The following CNTNAP2 variants were observed in gnomAD, a reference collection of about 807,000 sequenced individuals.
The protein encoded by CNTNAP2 is contactin associated protein 2, also known as contactin-associated protein-like 2.
A neutral mutation model predicts 155.2 loss-of-function variants in CNTNAP2; 98 were observed. That is an observed-to-expected ratio of 0.63 (90% CI 0.54 to 0.75). CNTNAP2 has a LOEUF of 0.75. CNTNAP2 is among the 30% of genes least tolerant of loss of function. The pLI is 0.00. For missense variants in CNTNAP2, 1,727 were observed against 1,688.1 expected, an observed-to-expected ratio of 1.02 and a Z score of -0.40; for synonymous variants, 651 against 631.2, an observed-to-expected ratio of 1.03 and a Z score of -0.47.
At chr7:148,056,639 A>G (rs1298127090) in intron 15 of CNTNAP2, 1 of 152,204 alleles carries the variant, frequency 6.6e-6, no homozygotes, top group East Asian at 1.9e-4. Flanking sequence ...TGAGATGAAG[A>G]CAGGATCTGT....
intron 1 of CNTNAP2, among the ~76,000 whole-genome samples, chr7:146,597,819 C>G (rs1798886117): frequency 6.6e-6 from 1 of 151,958 alleles, no homozygotes; most frequent in African/African-American, 2.4e-5. Flanking sequence ...AACATGACAG[C>G]ATTAATTAAA....
At chr7:146,625,117 G>C (rs1799397377) in intron 1 of CNTNAP2, among the ~76,000 whole-genome samples, 1 of 151,842 alleles carries the variant, frequency 6.6e-6, no homozygotes, top group Non-Finnish European at 1.5e-5. Flanking sequence ...TTAATTATAA[G>C]GCTGCTTTAA....
intron 14 of CNTNAP2, among the ~76,000 whole-genome samples, chr7:147,969,221 T>C (rs999508920): frequency 1.3e-5 from 2 of 152,084 alleles, no homozygotes; most frequent in Non-Finnish European, 2.9e-5. Context: ...AGCTAATTTT[T>C]AGTATTTTTG....
intron 1 of CNTNAP2, among the ~76,000 whole-genome samples, chr7:146,310,612 C>G (rs190941638): frequency 6.6e-6 from 1 of 151,842 alleles, no homozygotes; most frequent in Non-Finnish European, 1.5e-5. Context: ...TGATATAACA[C>G]TAAGATTAAT....
rs1797729423 is a variant in CNTNAP2 at position 146,132,467 on chromosome 7, A to C, written c.97+15494A>C. Among the ~76,000 whole-genome samples, 4 of 151,892 alleles carry C rather than the reference A, an allele frequency of 2.6e-5. No homozygotes were observed. The South Asian group carries it at 8.3e-4, about 32-fold the overall frequency. On this transcript the variant is annotated intron_variant, in intron 1 of 23. Transcript: ENST00000361727. Reference sequence around the variant, plus strand: ...TTTAGGGTACATGTGCACATTGTGCAGGTTAGTTACATATGTATACATGTG... The same window carrying C: ...TTTAGGGTACATGTGCACATTGTGCCGGTTAGTTACATATGTATACATGTG...
At chr7:146,720,148 T>C (rs1801260273) in intron 1 of CNTNAP2, among the ~76,000 whole-genome samples, 1 of 152,166 alleles carries the variant, frequency 6.6e-6, no homozygotes, top group Non-Finnish European at 1.5e-5. Context: ...TTTCCAGTTA[T>C]TTCACAAGAA....
chr7:147,037,107 T>A (rs929592459), intron 3 of CNTNAP2, among the ~76,000 whole-genome samples: 2 of 152,094 alleles, frequency 1.3e-5, no homozygotes, highest in African/African-American at 4.8e-5. Context: ...TTTAGGTAAA[T>A]GTGTGAGAAA....
intron 18 of CNTNAP2, among the ~76,000 whole-genome samples, chr7:148,200,978 G>T (rs1161964704): frequency 6.6e-6 from 1 of 152,144 alleles, no homozygotes; most frequent in African/African-American, 2.4e-5. Context: ...GAGTTATCTT[G>T]GATTCAGGTG....
At chr7:146,928,244 G>T (rs566690478) in intron 3 of CNTNAP2, among the ~76,000 whole-genome samples, 71 of 152,096 alleles carry the variant, frequency 4.7e-4, no homozygotes, top group African/African-American at 1.6e-3. Flanking sequence ...CATAAATTTT[G>T]CAATAAAATC....
intron 1 of CNTNAP2, among the ~76,000 whole-genome samples, chr7:146,133,587 T>C (rs1797750771): frequency 6.6e-6 from 1 of 152,166 alleles, no homozygotes; most frequent in Non-Finnish European, 1.5e-5. Flanking sequence ...AATTGATTTT[T>C]GTATAAGGTG....
chr7:147,691,678 A>T (rs545942517), intron 13 of CNTNAP2, among the ~76,000 whole-genome samples: 1 of 152,324 alleles, frequency 6.6e-6, no homozygotes, highest in African/African-American at 2.4e-5. Flanking sequence ...TTGCAAATGT[A>T]TATGCTTAAT....
At chr7:147,467,352 T>C (rs10260458) in intron 10 of CNTNAP2, among the ~76,000 whole-genome samples, 118,747 of 152,254 alleles carry the variant, frequency 0.78, 46,674 homozygotes, top group African/African-American at 0.87. Flanking sequence ...ATTGCTTTCA[T>C]GGTGATTTTA....
chr7:146,941,334 C>T (rs1284226431), intron 3 of CNTNAP2, among the ~76,000 whole-genome samples: 3 of 151,802 alleles, frequency 2.0e-5, no homozygotes, highest in Non-Finnish European at 4.4e-5. Flanking sequence ...ATATTTTAAG[C>T]AAAAGCAACT....
chr7:147,398,589 C>CT (rs58507416), intron 10 of CNTNAP2, among the ~76,000 whole-genome samples: 22,249 of 87,580 alleles, frequency 0.25, 3,703 homozygotes, highest in African/African-American at 0.43. Context: ...ACGATTTGAA[C>CT]TTTTTTTTTT....
intron 9 of CNTNAP2, among the ~76,000 whole-genome samples, chr7:147,372,126 A>G (rs1212079531): frequency 6.6e-6 from 1 of 152,128 alleles, no homozygotes; most frequent in Non-Finnish European, 1.5e-5. Context: ...CATAGGGCTC[A>G]GGCTGTCATT....
chr7:146,414,638 T>G (rs1795911636), intron 1 of CNTNAP2, among the ~76,000 whole-genome samples: 1 of 151,996 alleles, frequency 6.6e-6, no homozygotes, highest in South Asian at 2.1e-4. Flanking sequence ...CTATAAGGGG[T>G]GACTGAAGGG....
At chr7:147,402,295 G>A (rs1160176606) in intron 10 of CNTNAP2, among the ~76,000 whole-genome samples, 6 of 152,164 alleles carry the variant, frequency 3.9e-5, no homozygotes, top group Non-Finnish European at 7.3e-5. Context: ...TGTCCCACCT[G>A]CTCCACCAAG....
intron 15 of CNTNAP2, among the ~76,000 whole-genome samples, chr7:147,981,817 GGTTT>G (rs1801535919): frequency 7.2e-6 from 1 of 138,924 alleles, no homozygotes; most frequent in East Asian, 2.1e-4. Context: ...GTGTGTGTGT[GGTTT>G]TTTTTTTCTT....
Position 147,065,389 on chromosome 7 carries a change from A to G in CNTNAP2, c.550+21335A>G, listed in dbSNP as rs537761534. Among the ~76,000 whole-genome samples the G allele has an allele frequency of 7.2e-5, 11 of 152,326 alleles. No individual in the cohort carries two copies. In the South Asian group the frequency reaches 2.3e-3, roughly 32 times the overall value. Reference sequence around the variant, plus strand: ...TAAGTTGACTACAGATGAACTTTTGATGTAAGTATGAGCCTATTTGTTCTA... The same window carrying G: ...TAAGTTGACTACAGATGAACTTTTGGTGTAAGTATGAGCCTATTTGTTCTA... On this transcript the variant is annotated intron_variant, in intron 4 of 23. Transcript: ENST00000361727.
Sources: allele counts gnomAD v4.1 joint callset (sites outside exome capture counted in the v4.1 genomes callset), GRCh38; gene constraint gnomAD v4.1.1; transcripts MANE v1.5; gene names NCBI Gene and HGNC (gene_info 2026-07-23, HGNC 2026-07-21).